Variants in DNAI1 observed in about 807,000 individuals in gnomAD.
The protein encoded by DNAI1 is dynein axonemal intermediate chain 1.
DNAI1 carries 67 observed loss-of-function variants against 92.0 expected under a neutral mutation model. That is an observed-to-expected ratio of 0.73 (90% CI 0.60 to 0.89). The LOEUF (loss-of-function observed/expected upper bound fraction) is 0.89. DNAI1 is among the 40% of genes least tolerant of loss of function. DNAI1 has a pLI of 0.00. For missense variants in DNAI1, 839 were observed against 866.6 expected (o/e 0.97, Z 0.40); for synonymous variants, 323 against 319.6 (o/e 1.01, Z -0.11).
intron 10 of DNAI1, among the ~76,000 whole-genome samples, chr9:34,500,316 A>C (rs1483977824): frequency 6.6e-6 from 1 of 152,132 alleles, no homozygotes; most frequent in Non-Finnish European, 1.5e-5. Flanking sequence ...AGGCAGAATT[A>C]ATGGAACTAT....
At chr9:34,510,179 T>C (rs906455969) in intron 13 of DNAI1, among the ~76,000 whole-genome samples, 4 of 152,250 alleles carry the variant, frequency 2.6e-5, no homozygotes, top group Non-Finnish European at 5.9e-5. Context: ...GAGTTTGTTC[T>C]GTTGGCAGTG....
chr9:34,503,720 G>T (rs1824874749), intron 12 of DNAI1, among the ~76,000 whole-genome samples: 1 of 152,182 alleles, frequency 6.6e-6, no homozygotes, highest in Non-Finnish European at 1.5e-5. Flanking sequence ...CAACAGCACA[G>T]AAACATCCCT....
chr9:34,482,480 C>A (rs533790538), intron 1 of DNAI1, among the ~76,000 whole-genome samples: 7 of 150,912 alleles, frequency 4.6e-5, no homozygotes, highest in Admixed American at 1.3e-4. Flanking sequence ...GTTTACAAAC[C>A]TTGAGCTAGA....
chr9:34,509,683 C>T (rs1422042954), intron 13 of DNAI1, among the ~76,000 whole-genome samples: 2 of 152,028 alleles, frequency 1.3e-5, no homozygotes, highest in African/African-American at 2.4e-5. Context: ...AGGGCAGGGG[C>T]AGTGGAGACA....
chr9:34,502,708 C>T (rs560526283), intron 12 of DNAI1, among the ~76,000 whole-genome samples: 1 of 152,100 alleles, frequency 6.6e-6, no homozygotes, highest in Admixed American at 6.5e-5. Context: ...CAGGCACTTA[C>T]CTGAGAACGG....
At chr9:34,492,524 A>C (rs1421996651) in intron 8 of DNAI1, among the ~76,000 whole-genome samples, 21 of 93,896 alleles carry the variant, frequency 2.2e-4, no homozygotes, top group Middle Eastern at 5.7e-3. Context: ...ATATATATAT[A>C]TATATATATA....
intron 13 of DNAI1, among the ~76,000 whole-genome samples, chr9:34,508,863 C>T (rs978610846): frequency 1.3e-5 from 2 of 152,234 alleles, no homozygotes; most frequent in Admixed American, 6.5e-5. Context: ...AGGGCTGCTG[C>T]CTTTGCAAAA....
chr9:34,482,736 T>C (rs1051845069), intron 1 of DNAI1, among the ~76,000 whole-genome samples: 1 of 152,272 alleles, frequency 6.6e-6, no homozygotes, highest in African/African-American at 2.4e-5. Context: ...CAGGTGAAGC[T>C]GCCTGCCAGT....
At chr9:34,495,736 A>T (rs1462239215) in intron 9 of DNAI1, among the ~76,000 whole-genome samples, 1 of 152,072 alleles carries the variant, frequency 6.6e-6, no homozygotes, top group African/African-American at 2.4e-5. Flanking sequence ...AGATGCAGGG[A>T]GGGAGTTTCA....
rs562901712 is a variant in DNAI1, at chr9:34,512,565, C to T, written c.1489+141C>T. The T allele has an allele frequency of 8.3e-4, 677 of 819,194 alleles. 2 individuals carry two copies. The highest frequency in any genetic ancestry group is 3.1e-3 in the Middle Eastern group (9 of 2,934). The allele number at this position is 819,194 out of a possible 1,614,324, so 50.7% of individuals were successfully genotyped here. A position where few individuals can be genotyped will look rare whatever the true frequency, so the allele number is the denominator to read the frequency against. On this transcript the variant is annotated intron_variant, in intron 15 of 19. Coordinates refer to ENST00000242317, the MANE Select transcript of DNAI1 (RefSeq NM_012144.4). ...CCTGACAGGAGATTGTAGGAAGGCC[C>T]GGCCCTGTCTGCTGAACCCTTGGCT...
chr9:34,511,208 C>T (rs1825059067), intron 13 of DNAI1, among the ~76,000 whole-genome samples: 1 of 152,214 alleles, frequency 6.6e-6, no homozygotes, highest in South Asian at 2.1e-4. Flanking sequence ...TGGGACATGG[C>T]TTGGCCAGGC....
intron 1 of DNAI1, among the ~76,000 whole-genome samples, chr9:34,467,440 T>TATACACAC (rs4008470): frequency 7.3e-6 from 1 of 137,378 alleles, no homozygotes; most frequent in Non-Finnish European, 1.6e-5. Context: ...TCTACACAAA[T>TATACACAC]ACACACACAC....
At chr9:34,501,940 C>T (rs72735243) in intron 12 of DNAI1, among the ~76,000 whole-genome samples, 24,737 of 152,234 alleles carry the variant, frequency 0.16, 2,530 homozygotes, top group East Asian at 0.37. Flanking sequence ...AAGCCCCTAG[C>T]GCTGTGCTGG....
At chr9:34,491,131 C>T (rs1218143165) in intron 7 of DNAI1, among the ~76,000 whole-genome samples, 3 of 152,198 alleles carry the variant, frequency 2.0e-5, no homozygotes, top group African/African-American at 7.2e-5. Context: ...ATTAGAGAGG[C>T]CTTCTCAGGG....
chr9:34,481,779 G>A (rs1002837690), intron 1 of DNAI1, among the ~76,000 whole-genome samples: 2 of 152,182 alleles, frequency 1.3e-5, no homozygotes, highest in African/African-American at 4.8e-5. Context: ...GGGCTCAGGA[G>A]TGAAGCTGCA....
chr9:34,504,437 C>T (rs943958086), intron 12 of DNAI1, among the ~76,000 whole-genome samples: 31 of 152,192 alleles, frequency 2.0e-4, no homozygotes, highest in Non-Finnish European at 1.9e-4. Flanking sequence ...CTGCGGGCTG[C>T]GTAAAATTTA....
chr9:34,489,580 T>C, intron 5 of DNAI1, 131 bp downstream of exon 5: 1 of 1,170,794 alleles, frequency 8.5e-7, no homozygotes, highest in Non-Finnish European at 1.2e-6. Context: ...CCGGGCAGGG[T>C]GGTTCTTGCC....
intron 13 of DNAI1, among the ~76,000 whole-genome samples, chr9:34,507,157 G>A (rs558040135): frequency 2.2e-4 from 33 of 152,278 alleles, no homozygotes; most frequent in African/African-American, 7.9e-4. Flanking sequence ...TAACTCAGAA[G>A]ACATAGCTGG....
intron 3 of DNAI1, 74 bp downstream of exon 3, chr9:34,485,314 G>T (rs1281153249): frequency 1.9e-6 from 3 of 1,602,676 alleles, no homozygotes; most frequent in Non-Finnish European, 2.6e-6. Context: ...CATAGTACAT[G>T]ATTAGGAGCT....
Sources: gnomAD v4.1 joint callset for allele counts (sites outside exome capture counted in the v4.1 genomes callset) on GRCh38, gnomAD v4.1.1 for gene constraint, MANE v1.5 for transcripts, NCBI Gene and HGNC (gene_info 2026-07-23, HGNC 2026-07-21) for gene names.